The following GOPC variants were observed in gnomAD, a reference collection of about 807,000 sequenced individuals.
GOPC encodes Golgi-associated PDZ and coiled-coil motif-containing protein.
Under a neutral mutation model 51.2 loss-of-function variants are expected in GOPC, and 32 were observed. That is an observed-to-expected ratio of 0.63 (90% CI 0.47 to 0.84). GOPC has a LOEUF of 0.84. GOPC is among the 40% of genes least tolerant of loss of function. The pLI is 0.00. For synonymous variants in GOPC, 190 were observed against 205.1 expected (o/e 0.93, Z 0.63); for missense variants, 441 against 555.5 (o/e 0.79, Z 2.07).
Position 117,579,870 on chromosome 6 carries a change from A to T in GOPC, c.286-806T>A, listed in dbSNP as rs1436027459. Among the ~76,000 whole-genome samples, 4 of 152,204 alleles carry T rather than the reference A, an allele frequency of 2.6e-5. No homozygotes were observed. The South Asian group carries it at 6.2e-4, about 24-fold the overall frequency. On this transcript the variant is annotated intron_variant, in intron 1 of 8. Transcript: ENST00000368498. ...AAAAAAAATTGTAGATAATATTTTT[A>T]AAAATCATAGATCATAATTTATGCC...
At chr6:117,563,813 C>G (rs1244713294) in intron 8 of GOPC, among the ~76,000 whole-genome samples, 1 of 151,540 alleles carries the variant, frequency 6.6e-6, no homozygotes, top group Non-Finnish European at 1.5e-5. Flanking sequence ...CATTAGTAAT[C>G]TGAGGCAAAA....
At position 117,570,850 on chromosome 6, in the gene GOPC, TA is replaced by T; in HGVS notation, c.912+9del. On this transcript the variant is annotated intron_variant, in intron 6 of 8. Coordinates refer to ENST00000368498, the MANE Select transcript of GOPC (RefSeq NM_020399.4). ...CTGTAGAAAATGATACTGGAAGTAC[TA>T]CTTCTTACTGTAATTGAAATGCCAA... The T allele has an allele frequency of 7.3e-7, 1 of 1,363,068 alleles. No individual in the cohort carries two copies. Among genetic ancestry groups the T allele is most frequent in the South Asian group, 1.3e-5 (1 of 76,364 alleles). The allele number at this position is 1,363,068 out of a possible 1,614,324, so 84.4% of individuals were successfully genotyped here.
At chr6:117,594,659 G>T (rs568036056) in intron 1 of GOPC, among the ~76,000 whole-genome samples, 4 of 152,138 alleles carry the variant, frequency 2.6e-5, no homozygotes, top group African/African-American at 9.7e-5. Context: ...TTAAAAACAG[G>T]ACAGATTTAA....
At chr6:117,573,761 T>G in intron 4 of GOPC, 129 bp from the exon 5 acceptor site, 1 of 656,064 alleles carries the variant, frequency 1.5e-6, no homozygotes, top group Admixed American at 3.2e-5. Context: ...ACTCACGAAC[T>G]TCTTGATGTC....
chr6:117,594,421 T>G (rs1030755782), intron 1 of GOPC, among the ~76,000 whole-genome samples: 1 of 152,212 alleles, frequency 6.6e-6, no homozygotes, highest in Non-Finnish European at 1.5e-5. Flanking sequence ...TTTACTCTTA[T>G]GTACCTTTCA....
intron 1 of GOPC, among the ~76,000 whole-genome samples, chr6:117,590,504 C>T (rs1780100504): frequency 7.2e-6 from 1 of 138,636 alleles, no homozygotes; most frequent in Non-Finnish European, 1.5e-5. Context: ...CCCGGGAGGT[C>T]GAGGCTGCAG....
At position 117,562,741 on chromosome 6, in the gene GOPC, A is replaced by AT. The variant is rs893268553; in HGVS notation, c.*512dup. 1 of 207,294 alleles carries AT rather than the reference A, an allele frequency of 4.8e-6. No individual in the cohort carries two copies. The highest frequency in any genetic ancestry group is 9.8e-6 in the Non-Finnish European group (1 of 101,554). The allele number at this position is 207,294 out of a possible 1,614,324, so 12.8% of individuals were successfully genotyped here. A position where few individuals can be genotyped will look rare whatever the true frequency, so the allele number is the denominator to read the frequency against. ...GTTTAGATTTTAGGATGCACAATAA[A>AT]TTTTTTTAAGTCTAAAGCCTTTCAG... is the stretch of plus-strand genomic sequence containing the variant. On this transcript the variant is annotated 3_prime_UTR_variant, in exon 9 of 9. Coordinates refer to ENST00000368498, the MANE Select transcript of GOPC (RefSeq NM_020399.4).
At chr6:117,574,994 G>T (rs746417528) in intron 4 of GOPC, among the ~76,000 whole-genome samples, 183 bp downstream of exon 4, 11 of 152,080 alleles carry the variant, frequency 7.2e-5, no homozygotes, top group Non-Finnish European at 1.6e-4. Context: ...TAGGAGAATC[G>T]CTTGAACCCA....
Position 117,563,317 on chromosome 6 carries a change from C to T in GOPC, c.1326G>A (p.Pro442=), listed in dbSNP as rs146035577. 7.4e-5 allele frequency: 120 copies of T among 1,612,776 alleles called. No individual in the cohort carries two copies. Among genetic ancestry groups the T allele is most frequent in the Admixed American group, 3.3e-5 (2 of 59,968 alleles). Residue 442 remains proline (P), a synonymous_variant, in exon 9 of 9, where the codon CCG becomes CCA. Transcript: ENST00000368498. ...CTAATTTTGAAGCACCGTCATCTAG[C>T]GGAGTTTCACTTGCAGTGCCCAGGT... ...NGDLGTASET[P]LDDGASKLDD...
At chr6:117,580,650 ACT>A (rs1208057316) in intron 1 of GOPC, among the ~76,000 whole-genome samples, 1 of 152,070 alleles carries the variant, frequency 6.6e-6, no homozygotes, top group Non-Finnish European at 1.5e-5. Flanking sequence ...CATAAAATTC[ACT>A]CTTTTAAAGT....
At position 117,570,952 on chromosome 6, in the gene GOPC, G is replaced by T; in HGVS notation, c.820C>A (p.Gln274Lys). The change falls in exon 6 of 9, where the codon CAA (glutamine) becomes AAA (lysine). Residue 274 changes from glutamine (Q) to lysine (K), a missense_variant. Gln to Lys is a moderately conservative substitution (Grantham distance 53). Coordinates refer to ENST00000368498, the MANE Select transcript of GOPC (RefSeq NM_020399.4). ...CCTTGGCTTTTCTTTAGGGAATCTT[G>T]ATCCTTATTGGGAGGAAAAAAGAAG... The part of the protein sequence containing the change: ...RPMQAPPGHD[Q>K]DSLKKSQGVG... The T allele has an allele frequency of 1.3e-6, 2 of 1,556,944 alleles. No homozygotes were observed. Among genetic ancestry groups the T allele is most frequent in the Non-Finnish European group, 1.8e-6 (2 of 1,133,570 alleles).
chr6:117,563,522 G>C, intron 8 of GOPC, 138 bp from the exon 9 acceptor site: 1 of 700,492 alleles, frequency 1.4e-6, no homozygotes. Context: ...AGGGGTTCGA[G>C]ACCAGCCTGG....
In GOPC at chr6:117,581,122, TA is replaced by T. The variant is rs200421676; in HGVS notation, c.286-2059del. ...GAAATATTCCACAGAATGTAGGAAATAAAGAAAATAAATAAGTGAAAAGGTA... is the reference window on the plus strand; with the variant it reads ...GAAATATTCCACAGAATGTAGGAAATAAGAAAATAAATAAGTGAAAAGGTA... On this transcript the variant is annotated intron_variant, in intron 1 of 8. Transcript: ENST00000368498. Among the ~76,000 whole-genome samples, 172 of 152,114 alleles carry T rather than the reference TA, an allele frequency of 1.1e-3. 2 individuals carry two copies. In the East Asian group the frequency reaches 0.027, roughly 24 times the overall value.
At chr6:117,589,615 C>G (rs1307417785) in intron 1 of GOPC, among the ~76,000 whole-genome samples, 1 of 151,774 alleles carries the variant, frequency 6.6e-6, no homozygotes, top group Non-Finnish European at 1.5e-5. Flanking sequence ...CCACTGCGCC[C>G]AGCCCTAATG....
At chr6:117,599,868 A>G (rs1771963263) in intron 1 of GOPC, among the ~76,000 whole-genome samples, 1 of 152,196 alleles carries the variant, frequency 6.6e-6, no homozygotes, top group Admixed American at 6.5e-5. Context: ...CCTTCCTCCC[A>G]ATTTCAATTT....
At chr6:117,599,030 T>C (rs1771941703) in intron 1 of GOPC, among the ~76,000 whole-genome samples, 1 of 152,062 alleles carries the variant, frequency 6.6e-6, no homozygotes, top group Non-Finnish European at 1.5e-5. Context: ...TTATGTCAAT[T>C]AAAAATAAAA....
chr6:117,589,788 G>C (rs1273880573), intron 1 of GOPC, among the ~76,000 whole-genome samples: 4 of 152,166 alleles, frequency 2.6e-5, no homozygotes, highest in African/African-American at 7.2e-5. Flanking sequence ...TAATTTCAAA[G>C]CACTCAGTTG....
Position 117,577,429 on chromosome 6 carries a change from A to G in GOPC, c.474+19T>C. 1 of 1,603,188 alleles carries G rather than the reference A, an allele frequency of 6.2e-7. No individual in the cohort carries two copies. The highest frequency in any genetic ancestry group is 8.5e-7 in the Non-Finnish European group (1 of 1,174,206). ...CTTCAGCGTGACATATTAAAGCAAA[A>G]CAGAAACAATATACTTACCAGCTCC... On this transcript the variant is annotated intron_variant, in intron 3 of 8. Transcript: ENST00000368498.
At chr6:117,598,558 CAA>C (rs1771924845) in intron 1 of GOPC, among the ~76,000 whole-genome samples, 1 of 152,050 alleles carries the variant, frequency 6.6e-6, no homozygotes, top group African/African-American at 2.4e-5. Context: ...ATGGTTTCAA[CAA>C]AAGACATTAG....
Sources: gnomAD v4.1 joint callset for allele counts (sites outside exome capture counted in the v4.1 genomes callset) on GRCh38, gnomAD v4.1.1 for gene constraint, MANE v1.5 for transcripts, NCBI Gene and HGNC (gene_info 2026-07-23, HGNC 2026-07-21) for gene names.